Variants in SAMD7 observed in about 807,000 individuals in gnomAD.
SAMD7 encodes the protein sterile alpha motif domain-containing protein 7.
Under a neutral mutation model 36.7 loss-of-function variants are expected in SAMD7, and 34 were observed. That is an observed-to-expected ratio of 0.93 (90% CI 0.71 to 1.23). The LOEUF (loss-of-function observed/expected upper bound fraction) is 1.23, where lower values mean the gene tolerates loss of function less well. Among genes scored for constraint, SAMD7 ranks in the 50% most tolerant of loss-of-function variants. The pLI is 0.00. For missense variants in SAMD7, 570 were observed against 546.6 expected, an observed-to-expected ratio of 1.04 and a Z score of -0.43; for synonymous variants, 188 against 189.7, an observed-to-expected ratio of 0.99 and a Z score of 0.07.
chr3:169,938,224 G>A, intron 8 of SAMD7, 94 bp from the exon 9 acceptor site: 1 of 795,862 alleles, frequency 1.3e-6, no homozygotes, highest in Non-Finnish European at 2.1e-6. Context: ...CTCCATGCCT[G>A]AAATTACCTC....
At chr3:169,913,410 T>G (rs1712681371) in intron 1 of SAMD7, among the ~76,000 whole-genome samples, 1 of 152,198 alleles carries the variant, frequency 6.6e-6, no homozygotes, top group Admixed American at 6.5e-5. Context: ...ATCTGCTGAT[T>G]TGGCAAGGGC....
At chr3:169,934,435 A>T (rs1713640488) in intron 7 of SAMD7, among the ~76,000 whole-genome samples, 1 of 152,144 alleles carries the variant, frequency 6.6e-6, no homozygotes, top group South Asian at 2.1e-4. Flanking sequence ...CACAAAAAAA[A>T]ACCACCTTCA....
rs148186253 is a variant in SAMD7 at position 169,918,704 on chromosome 3, T to C, written c.-41-754T>C. Reference sequence around the variant, plus strand: ...AGTCTGTATCCCTTCTAATTAGATATACTTTTAGACATTAAAAATATTCTC... The same window carrying C: ...AGTCTGTATCCCTTCTAATTAGATACACTTTTAGACATTAAAAATATTCTC... On this transcript the variant is annotated intron_variant, in intron 2 of 8. Coordinates refer to ENST00000335556, the MANE Select transcript of SAMD7 (RefSeq NM_001304366.2). Among the ~76,000 whole-genome samples, 729 of 152,384 alleles carry C rather than the reference T, an allele frequency of 4.8e-3. 4 individuals are homozygous for C. Among genetic ancestry groups the C allele is most frequent in the African/African-American group, 0.017 (690 of 41,594 alleles).
intron 7 of SAMD7, among the ~76,000 whole-genome samples, chr3:169,935,302 C>A (rs774921308): frequency 6.6e-6 from 1 of 151,964 alleles, no homozygotes; most frequent in Non-Finnish European, 1.5e-5. Context: ...AGAGGAGAGA[C>A]TGAAGAGAAA....
chr3:169,921,268 T>C lies in SAMD7; in HGVS notation c.141T>C (p.Pro47=). ...APTDPRQFCV[P]SQFGSSVLPN... ...CTGACCCAAGACAGTTTTGCGTTCC[T>C]TCCCAATTTGGATCCTCTGTTCTAC... The change falls in exon 4 of 9, where the codon CCT becomes CCC. Residue 47 remains proline (P), a synonymous_variant. Transcript: ENST00000335556. 6.2e-7 allele frequency: 1 copy of C among 1,614,072 alleles called. No individual in the cohort carries two copies. Among genetic ancestry groups the C allele is most frequent in the Non-Finnish European group, 8.5e-7 (1 of 1,179,898 alleles).
In SAMD7 at chr3:169,932,908, C is replaced by T. The variant is rs184796174; in HGVS notation, c.1042-3431C>T. 179 of 636,616 alleles carry T rather than the reference C, an allele frequency of 2.8e-4. No homozygotes were observed. The African/African-American group carries it at 2.8e-3, about 10-fold the overall frequency. The allele number at this position is 636,616 out of a possible 1,614,324, so 39.4% of individuals were successfully genotyped here. On this transcript the variant is annotated intron_variant, in intron 7 of 8. Coordinates refer to ENST00000335556, the MANE Select transcript of SAMD7 (RefSeq NM_001304366.2). ...ATAAGAACTTTCAAGATAATGAGGGCGCCAGTATGCTCATCCTTCTTGATA... is the reference window on the plus strand; with the variant it reads ...ATAAGAACTTTCAAGATAATGAGGGTGCCAGTATGCTCATCCTTCTTGATA...
At chr3:169,917,862 C>T (rs13093084) in intron 2 of SAMD7, among the ~76,000 whole-genome samples, 60,175 of 151,844 alleles carry the variant, frequency 0.4, 13,226 homozygotes, top group East Asian at 0.55. Flanking sequence ...AGGCTGGTCT[C>T]GATCTCCTGA....
At chr3:169,933,067 TA>T in intron 7 of SAMD7, 2 of 903,006 alleles carry the variant, frequency 2.2e-6, no homozygotes, top group Non-Finnish European at 3.7e-6. Context: ...AAGTCTACCT[TA>T]AAATCTGCCA....
intron 3 of SAMD7, 36 bp downstream of exon 3, chr3:169,919,620 C>A (rs1712957562): frequency 1.4e-6 from 2 of 1,414,042 alleles, no homozygotes; most frequent in South Asian, 1.1e-5. Context: ...GATCAAAGAA[C>A]AACATGGACA....
At chr3:169,925,983 G>T (rs576706561) in intron 5 of SAMD7, among the ~76,000 whole-genome samples, 2 of 152,246 alleles carry the variant, frequency 1.3e-5, no homozygotes, top group Admixed American at 6.5e-5. Context: ...CCAGGAGAAA[G>T]AAAAGTATAA....
chr3:169,917,589 C>A (rs985935937), intron 2 of SAMD7, among the ~76,000 whole-genome samples: 9 of 151,596 alleles, frequency 5.9e-5, no homozygotes, highest in Admixed American at 1.3e-4. Flanking sequence ...TACAAACAAT[C>A]CAATTATACT....
At chr3:169,915,662 G>A (rs1177304415) in intron 2 of SAMD7, among the ~76,000 whole-genome samples, 2 of 130,002 alleles carry the variant, frequency 1.5e-5, no homozygotes. Flanking sequence ...TTGGCTCACT[G>A]CAACCTCTGC....
chr3:169,937,066 AT>A (rs1713745552), intron 8 of SAMD7, among the ~76,000 whole-genome samples: 1 of 152,196 alleles, frequency 6.6e-6, no homozygotes, highest in African/African-American at 2.4e-5. Flanking sequence ...TTTATTTAAT[AT>A]GATGCTTTGA....
rs932525876 is a variant in SAMD7 at position 169,928,343 on chromosome 3, T to C, written c.920-114T>C. 9.1e-6 allele frequency: 7 copies of C among 772,744 alleles called. No individual in the cohort carries two copies. The African/African-American group carries it at 1.2e-4, about 14-fold the overall frequency. The allele number at this position is 772,744 out of a possible 1,614,324, so 47.9% of individuals were successfully genotyped here. On this transcript the variant is annotated intron_variant, in intron 6 of 8. Coordinates refer to ENST00000335556, the MANE Select transcript of SAMD7 (RefSeq NM_001304366.2). ...ACATCTCCTAGTAATTCCTAATATC[T>C]TGTAAGGCGTTTGCAAATCAAGACC... is the stretch of plus-strand genomic sequence containing the variant.
At chr3:169,937,371 G>T (rs1348978012) in intron 8 of SAMD7, among the ~76,000 whole-genome samples, 1 of 152,090 alleles carries the variant, frequency 6.6e-6, no homozygotes, top group East Asian at 1.9e-4. Flanking sequence ...ATTAAGCCCA[G>T]CATGCATTAG....
chr3:169,932,952 A>T (rs1338221399), intron 7 of SAMD7: 2 of 682,242 alleles, frequency 2.9e-6, no homozygotes, highest in Non-Finnish European at 5.5e-6. Context: ...AGCTTTGGGA[A>T]CCCCTTGCTG....
intron 7 of SAMD7, among the ~76,000 whole-genome samples, chr3:169,934,085 A>G (rs1713621471): frequency 6.6e-6 from 1 of 152,176 alleles, no homozygotes; most frequent in Non-Finnish European, 1.5e-5. Flanking sequence ...GGAGAGCAAG[A>G]TGAGACTGGA....
intron 1 of SAMD7, among the ~76,000 whole-genome samples, chr3:169,912,872 A>G (rs1234947264): frequency 6.6e-6 from 1 of 152,200 alleles, no homozygotes; most frequent in African/African-American, 2.4e-5. Flanking sequence ...CGTCCTTGGC[A>G]GAGATGGGAA....
At chr3:169,919,704 C>T in intron 3 of SAMD7, 120 bp downstream of exon 3, 2 of 849,798 alleles carry the variant, frequency 2.4e-6, no homozygotes, top group Non-Finnish European at 2.0e-6. Flanking sequence ...AACTGTGGTG[C>T]AGTAATTCAA....
Sources: allele counts gnomAD v4.1 joint callset (sites outside exome capture counted in the v4.1 genomes callset), GRCh38; gene constraint gnomAD v4.1.1; transcripts MANE v1.5; gene names NCBI Gene and HGNC (gene_info 2026-07-23, HGNC 2026-07-21).